The following MAST4 variants were observed in gnomAD, a reference collection of about 807,000 sequenced individuals.
MAST4 encodes the protein microtubule associated serine/threonine kinase family member 4.
MAST4 carries 89 observed loss-of-function variants against 162.7 expected under a neutral mutation model. That is an observed-to-expected ratio of 0.55 (90% CI 0.46 to 0.65). The LOEUF (loss-of-function observed/expected upper bound fraction) is 0.65. MAST4 is among the 30% of genes least tolerant of loss of function. The pLI is 0.00. For synonymous variants in MAST4, 1,479 were observed against 1,361.1 expected (o/e 1.09, Z -1.91); for missense variants, 3,153 against 3,374.0 (o/e 0.93, Z 1.62).
chr5:66,677,337 T>A (rs976751070), intron 1 of MAST4, among the ~76,000 whole-genome samples: 2 of 152,162 alleles, frequency 1.3e-5, no homozygotes, highest in Non-Finnish European at 2.9e-5. Flanking sequence ...TCTGTGCTGG[T>A]GCCTGGACTA....
chr5:66,847,139 GCC>G, intron 3 of MAST4, among the ~76,000 whole-genome samples: 1 of 152,308 alleles, frequency 6.6e-6, no homozygotes, highest in African/African-American at 2.4e-5. Flanking sequence ...GAAAAGTAGG[GCC>G]AAAAGATGGT....
At chr5:67,034,151 C>T (rs1206226649) in intron 4 of MAST4, among the ~76,000 whole-genome samples, 1 of 152,140 alleles carries the variant, frequency 6.6e-6, no homozygotes, top group Non-Finnish European at 1.5e-5. Flanking sequence ...GTTGTCATCA[C>T]AAGCCACACC....
chr5:66,641,338 A>G (rs966658585), intron 1 of MAST4, among the ~76,000 whole-genome samples: 2 of 152,050 alleles, frequency 1.3e-5, no homozygotes, highest in African/African-American at 4.8e-5. Context: ...TTTTATTTTT[A>G]GTAGAGACAG....
chr5:66,810,631 A>G (rs1756430512), intron 3 of MAST4, among the ~76,000 whole-genome samples: 1 of 152,168 alleles, frequency 6.6e-6, no homozygotes, highest in African/African-American at 2.4e-5. Context: ...AGTGCCACCA[A>G]AGCATCTGTT....
intron 4 of MAST4, among the ~76,000 whole-genome samples, chr5:66,997,574 G>T (rs566254543): frequency 1.3e-5 from 2 of 151,968 alleles, no homozygotes; most frequent in East Asian, 3.9e-4. Context: ...TGGGATTACA[G>T]GCACCTGCCA....
rs115977901 is a variant in MAST4, at chr5:67,136,672, C to T, written c.2494+8C>T. 873 of 1,577,476 alleles carry T rather than the reference C, an allele frequency of 5.5e-4. 10 individuals are homozygous for T. In the African/African-American group the frequency reaches 0.011, roughly 20 times the overall value. ...TGGAGAGGCTGGGAACAGGTTAGAG[C>T]CCATGTGTTTTAATTTTGCTAATAT... On this transcript the variant is annotated splice_region_variant and intron_variant, in intron 19 of 28. Coordinates refer to ENST00000403625, the MANE Select transcript of MAST4 (RefSeq NM_001164664.2).
chr5:66,763,835 G>A (rs1753961519), intron 2 of MAST4, among the ~76,000 whole-genome samples: 1 of 152,138 alleles, frequency 6.6e-6, no homozygotes, highest in Admixed American at 6.5e-5. Flanking sequence ...TTTTACTTCT[G>A]ATGGGTTTAT....
chr5:66,707,408 G>A (rs1237780521), intron 1 of MAST4, among the ~76,000 whole-genome samples: 2 of 152,112 alleles, frequency 1.3e-5, no homozygotes, highest in Non-Finnish European at 2.9e-5. Context: ...AGTTTGCTAA[G>A]TCTGCTGTAA....
rs754095073 is a variant in MAST4, at chr5:66,837,894, ATTTT to A, written c.642+49120_642+49123del. On this transcript the variant is annotated intron_variant, in intron 3 of 28. Coordinates refer to ENST00000403625, the MANE Select transcript of MAST4 (RefSeq NM_001164664.2). Reference sequence around the variant, plus strand: ...TATATATATATATATATATATATATATTTTTTTTTTTTTTTTTTTTTTTAATGTG... The same window carrying A: ...TATATATATATATATATATATATATATTTTTTTTTTTTTTTTTTTAATGTG... Among the ~76,000 whole-genome samples, 462 of 53,452 alleles carry A rather than the reference ATTTT, an allele frequency of 8.6e-3. 1 individual carries two copies. The highest frequency in any genetic ancestry group is 0.031 in the Middle Eastern group (2 of 64). The allele number at this position is 53,452 out of a possible 152,430, so 35.1% of individuals were successfully genotyped here.
At chr5:66,938,004 T>C (rs1027610144) in intron 4 of MAST4, among the ~76,000 whole-genome samples, 6 of 152,130 alleles carry the variant, frequency 3.9e-5, no homozygotes, top group South Asian at 4.1e-4. Flanking sequence ...TTTATATTTT[T>C]CTGTGGGATC....
chr5:66,718,536 G>T (rs1167553402), intron 1 of MAST4, among the ~76,000 whole-genome samples: 1 of 152,094 alleles, frequency 6.6e-6, no homozygotes, highest in Non-Finnish European at 1.5e-5. Flanking sequence ...AGGTCATGTG[G>T]TATATAGCCT....
chr5:66,600,135 T>G lies in MAST4; in HGVS notation c.363+3117T>G, dbSNP rs561864431. On this transcript the variant is annotated intron_variant, in intron 1 of 28. Transcript: ENST00000403625. ...ATAAACTTCCAAAGTCTCACACACT[T>G]AAGTCTACCCTTTAAGCTTTTGGTG... Among the ~76,000 whole-genome samples, 18 of 152,364 alleles carry G rather than the reference T, an allele frequency of 1.2e-4. No homozygotes were observed. The South Asian group carries it at 3.7e-3, about 32-fold the overall frequency.
chr5:67,149,290 C>A, intron 23 of MAST4, 99 bp from the exon 24 acceptor site: 1 of 1,043,968 alleles, frequency 9.6e-7, no homozygotes. Flanking sequence ...GGAGTATGTT[C>A]TCTGGCGTTT....
At chr5:66,977,408 A>G (rs1581082950) in intron 4 of MAST4, among the ~76,000 whole-genome samples, 1 of 152,146 alleles carries the variant, frequency 6.6e-6, no homozygotes, top group East Asian at 1.9e-4. Flanking sequence ...GCTATCAGAC[A>G]TTTTTAGAAC....
chr5:66,861,047 G>A (rs548597979), intron 3 of MAST4, among the ~76,000 whole-genome samples: 3 of 152,154 alleles, frequency 2.0e-5, no homozygotes, highest in Non-Finnish European at 4.4e-5. Flanking sequence ...TTTTCAAAGA[G>A]GTTTGCTCAG....
At chr5:66,967,425 T>TA (rs1279219697) in intron 4 of MAST4, among the ~76,000 whole-genome samples, 2 of 152,108 alleles carry the variant, frequency 1.3e-5, no homozygotes, top group East Asian at 1.9e-4. Context: ...AAATAGGACT[T>TA]ACGTTTTGTT....
intron 4 of MAST4, among the ~76,000 whole-genome samples, chr5:67,051,648 C>G (rs1758196823): frequency 6.6e-6 from 1 of 152,038 alleles, no homozygotes; most frequent in African/African-American, 2.4e-5. Flanking sequence ...GAAAGGTTTT[C>G]TACAGAATAT....
chr5:66,881,510 A>G (rs1761691815), intron 3 of MAST4, among the ~76,000 whole-genome samples: 1 of 152,228 alleles, frequency 6.6e-6, no homozygotes, highest in Non-Finnish European at 1.5e-5. Flanking sequence ...GAGTATGCAT[A>G]GGTGAATTGT....
chr5:67,134,430 C>A, intron 17 of MAST4, 93 bp from the exon 18 acceptor site: 1 of 1,134,232 alleles, frequency 8.8e-7, no homozygotes, highest in Non-Finnish European at 1.3e-6. Flanking sequence ...TGAGCAGGTG[C>A]ATTCTGGGCA....
Sources: gnomAD v4.1 joint callset for allele counts (sites outside exome capture counted in the v4.1 genomes callset) on GRCh38, gnomAD v4.1.1 for gene constraint, MANE v1.5 for transcripts, NCBI Gene and HGNC (gene_info 2026-07-23, HGNC 2026-07-21) for gene names.